The following GSPT1 variants were observed in gnomAD, a reference collection of about 807,000 sequenced individuals.
GSPT1 encodes the protein eukaryotic peptide chain release factor GTP-binding subunit ERF3A.
GSPT1 carries 20 observed loss-of-function variants against 72.5 expected under a neutral mutation model. The observed-to-expected ratio is 0.28, with a 90% CI of 0.19 to 0.40. GSPT1 has a LOEUF of 0.40. Among genes scored for constraint, GSPT1 ranks in the 10% least tolerant of loss-of-function variants. The pLI is 1.00. For missense variants in GSPT1, 580 were observed against 811.9 expected, an observed-to-expected ratio of 0.71 and a Z score of 3.47; for synonymous variants, 334 against 293.5, an observed-to-expected ratio of 1.14 and a Z score of -1.41.
chr16:11,895,118 T>C (rs2054317567), intron 4 of GSPT1, 131 bp from the exon 5 acceptor site: 3 of 636,998 alleles, frequency 4.7e-6, no homozygotes, highest in African/African-American at 3.7e-5. Context: ...TCCTAGTTCA[T>C]TACCCTTCTC....
At chr16:11,885,762 T>C (rs764462294) in intron 9 of GSPT1, among the ~76,000 whole-genome samples, 6 of 152,020 alleles carry the variant, frequency 3.9e-5, no homozygotes, top group Non-Finnish European at 8.8e-5. Flanking sequence ...TGCGGTGGCA[T>C]GTGCCTACAG....
intron 1 of GSPT1, chr16:11,915,141 G>C (rs1444739335): frequency 1.3e-5 from 14 of 1,049,176 alleles, no homozygotes; most frequent in Non-Finnish European, 1.5e-5. Flanking sequence ...ACTCGGGTCC[G>C]GGTCTTTGGG....
intron 1 of GSPT1, among the ~76,000 whole-genome samples, chr16:11,901,666 C>T (rs2054408247): frequency 1.3e-5 from 2 of 151,342 alleles, no homozygotes; most frequent in African/African-American, 4.9e-5. Flanking sequence ...GTGGCTCATG[C>T]TTGTAGTCCC....
In GSPT1 at chr16:11,885,283, A is replaced by G. The variant is rs542989682; in HGVS notation, c.1254-9T>C. ...GAATAAACGGTAATCCACTGAGAAC[A>G]TAACAACAAAGCCATTAAAGGAAGT... On this transcript the variant is annotated splice_polypyrimidine_tract_variant and intron_variant, in intron 9 of 14. Transcript: ENST00000434724. The G allele has an allele frequency of 2.9e-5, 40 of 1,366,686 alleles. No homozygotes were observed. The South Asian group carries it at 4.0e-4, about 14-fold the overall frequency. 84.7% of individuals were successfully genotyped at this position (1,366,686 alleles called of 1,614,324 possible). A position where few individuals can be genotyped will look rare whatever the true frequency, so the allele number is the denominator to read the frequency against.
At chr16:11,914,078 G>A (rs541183942) in intron 1 of GSPT1, among the ~76,000 whole-genome samples, 2 of 152,310 alleles carry the variant, frequency 1.3e-5, no homozygotes, top group African/African-American at 4.8e-5. Context: ...TTTAAAGAGA[G>A]AAATCAACAA....
intron 1 of GSPT1, among the ~76,000 whole-genome samples, chr16:11,903,168 A>G (rs2054438021): frequency 6.6e-6 from 1 of 152,166 alleles, no homozygotes; most frequent in Admixed American, 6.5e-5. Context: ...ATGGAATCAT[A>G]GAATATGTGG....
intron 11 of GSPT1, among the ~76,000 whole-genome samples, chr16:11,878,711 G>A (rs1446726939): frequency 2.1e-4 from 32 of 152,118 alleles, no homozygotes; most frequent in Admixed American, 2.1e-3. Flanking sequence ...GCAAGGTGAA[G>A]CAAAAGAACA....
At position 11,915,688 on chromosome 16, in the gene GSPT1, G is replaced by A. The variant is rs1388609359; in HGVS notation, c.33C>T (p.Gly11=). Residue 11 remains glycine (G), a synonymous_variant, in exon 1 of 15, where the codon GGC becomes GGT. Coordinates refer to ENST00000434724, the MANE Select transcript of GSPT1 (RefSeq NM_002094.4). ...CGCTGCTGCTCCCGCCGCCGCCGCC[G>A]CCGCCGCCGCCGCCGCCACTGCCCG... MDPGSGGGGG[G]GGGGGSSSGS... is the part of the protein sequence containing the mutation. 2.7e-6 allele frequency: 4 copies of A among 1,479,156 alleles called. No individual in the cohort carries two copies. Among genetic ancestry groups the A allele is most frequent in the Admixed American group, 2.3e-5 (1 of 42,620 alleles). 91.6% of individuals were successfully genotyped at this position (1,479,156 alleles called of 1,614,324 possible).
intron 1 of GSPT1, among the ~76,000 whole-genome samples, chr16:11,911,043 G>A (rs1243642185): frequency 1.3e-5 from 2 of 152,210 alleles, no homozygotes; most frequent in Admixed American, 1.3e-4. Context: ...GGGATACTGT[G>A]GGGCCTCTCC....
rs139123396 is a variant in GSPT1 at position 11,886,978 on chromosome 16, C to T, written c.958-47G>A. On this transcript the variant is annotated intron_variant, in intron 7 of 14. Transcript: ENST00000434724. ...GTTTACTCCTTCGCCTTCAGGCATA[C>T]CCTTATGGCAGTAAAACATCTTTCC... is the stretch of plus-strand genomic sequence containing the variant. The T allele has an allele frequency of 9.2e-5, 132 of 1,441,550 alleles. No homozygotes were observed. In the African/African-American group the frequency reaches 1.5e-3, roughly 16 times the overall value. 89.3% of individuals were successfully genotyped at this position (1,441,550 alleles called of 1,614,324 possible). A position where few individuals can be genotyped will look rare whatever the true frequency, so the allele number is the denominator to read the frequency against.
At chr16:11,887,020 A>ATTTT in intron 7 of GSPT1, 89 bp from the exon 8 acceptor site, 10 of 581,176 alleles carry the variant, frequency 1.7e-5, no homozygotes, top group African/African-American at 5.3e-5. Context: ...TTATATCACG[A>ATTTT]GTTTTTTTTT....
intron 1 of GSPT1, chr16:11,904,242 T>G (rs1475315565): frequency 6.5e-6 from 1 of 152,834 alleles, no homozygotes; most frequent in Non-Finnish European, 1.5e-5. Flanking sequence ...CTTGCTCTGT[T>G]GCCAGGCTGG....
intron 1 of GSPT1, among the ~76,000 whole-genome samples, chr16:11,906,980 G>A (rs1391908109): frequency 6.6e-6 from 1 of 152,028 alleles, no homozygotes; most frequent in Non-Finnish European, 1.5e-5. Context: ...GAAGTCTACA[G>A]AACACATAAA....
intron 6 of GSPT1, among the ~76,000 whole-genome samples, chr16:11,889,732 C>T (rs529054578): frequency 2.0e-5 from 3 of 151,890 alleles, no homozygotes; most frequent in African/African-American, 7.2e-5. Flanking sequence ...TCTCGAACTC[C>T]TGACCTCAGG....
Position 11,898,035 on chromosome 16 carries a change from G to A in GSPT1, c.353C>T (p.Ala118Val), listed in dbSNP as rs1324352788. ...GAGSGAGGRA[A>V]PVESSQEEQS... ...TTCCTCTTGAGAGGATTCCACAGGT[G>A]CTGTTTAACAGAAAGAAGTTCTATT... Residue 118 changes from alanine to valine, a missense_variant and splice_region_variant, in exon 2 of 15, where the codon GCA becomes GTA. This residue lies in a region of GSPT1 where 327 missense variants were observed against 298.8 expected (regional missense o/e 1.09). Transcript: ENST00000434724. 3 of 1,537,598 alleles carry A rather than the reference G, an allele frequency of 2.0e-6. No individual in the cohort carries two copies. The highest frequency in any genetic ancestry group is 2.4e-5 in the East Asian group (1 of 41,328).
chr16:11,875,388 C>G (rs1431120972), intron 14 of GSPT1, among the ~76,000 whole-genome samples: 3 of 151,808 alleles, frequency 2.0e-5, no homozygotes, highest in Non-Finnish European at 4.4e-5. Flanking sequence ...CAAAAGGTCA[C>G]AAAGATTAGA....
chr16:11,883,734 G>A (rs2054153700), intron 10 of GSPT1, among the ~76,000 whole-genome samples: 1 of 151,900 alleles, frequency 6.6e-6, no homozygotes, highest in Non-Finnish European at 1.5e-5. Context: ...CCAACATGGT[G>A]AAACCCCGTC....
At chr16:11,876,318 T>C (rs979537802) in intron 12 of GSPT1, 143 bp from the exon 13 acceptor site, 5 of 658,306 alleles carry the variant, frequency 7.6e-6, no homozygotes, top group Non-Finnish European at 5.4e-6. Flanking sequence ...TTAGAGGTGA[T>C]AGGTTTGTCT....
At chr16:11,889,326 CTTCTTTTTTTTTTTT>C (rs2054225101) in intron 6 of GSPT1, among the ~76,000 whole-genome samples, 1 of 95,754 alleles carries the variant, frequency 1.0e-5, no homozygotes, top group African/African-American at 4.5e-5. Context: ...CACCCCTCTT[CTTCTTTTTTTTTTTT>C]TTTTTTTTTT....
Sources: gnomAD v4.1 joint callset for allele counts (sites outside exome capture counted in the v4.1 genomes callset) on GRCh38, gnomAD v4.1.1 for gene constraint, gnomAD v4.1.1 regional missense constraint, MANE v1.5 for transcripts, NCBI Gene and HGNC (gene_info 2026-07-23, HGNC 2026-07-21) for gene names.